The following CSMD3 variants were observed in gnomAD, a reference collection of about 807,000 sequenced individuals.
CSMD3 encodes CUB and sushi domain-containing protein 3.
CSMD3 carries 177 observed loss-of-function variants against 435.2 expected under a neutral mutation model. The ratio of observed to expected loss-of-function variants is 0.41; its 90% CI spans 0.36 to 0.46. The LOEUF (loss-of-function observed/expected upper bound fraction) is 0.46, where lower values mean the gene tolerates loss of function less well. Ranked by LOEUF, CSMD3 falls within the 20% of genes least tolerant of loss-of-function variation. The pLI, the probability that CSMD3 is intolerant of heterozygous loss-of-function variation, is 0.34. For synonymous variants in CSMD3, 1,656 were observed against 1,520.5 expected (o/e 1.09, Z -2.07); for missense variants, 4,265 against 4,504.6 (o/e 0.95, Z 1.52).
intron 5 of CSMD3, among the ~76,000 whole-genome samples, chr8:113,031,992 A>G (rs2087129693): frequency 6.6e-6 from 1 of 151,556 alleles, no homozygotes; most frequent in Non-Finnish European, 1.5e-5. Flanking sequence ...CCTGTAAGAA[A>G]GCGTTTTCTT....
intron 16 of CSMD3, among the ~76,000 whole-genome samples, chr8:112,679,087 T>A: frequency 9.0e-6 from 1 of 110,678 alleles, no homozygotes; most frequent in Non-Finnish European, 1.9e-5. Context: ...TGGGGCAGGT[T>A]TTTTTTTTTT....
chr8:112,893,887 T>C (rs759440830), intron 10 of CSMD3, among the ~76,000 whole-genome samples: 4 of 151,444 alleles, frequency 2.6e-5, no homozygotes, highest in Admixed American at 6.6e-5. Flanking sequence ...TTCCAATGGA[T>C]ATGAAAGGTC....
chr8:112,301,841 C>T lies in CSMD3; in HGVS notation c.8392G>A (p.Glu2798Lys), dbSNP rs1424360482. The change falls in exon 53 of 71, where the codon GAA becomes AAA. Residue 2798 changes from glutamate (E) to lysine (K), a missense_variant. Glu to Lys is a moderately conservative substitution (Grantham distance 56). This residue lies in a region of CSMD3 where 3,255 missense variants were observed against 3,380.2 expected (regional missense o/e 0.96). Transcript: ENST00000297405. Reference protein sequence around the residue: ...GFMLVGSAVRECLSSGLWSES... With the variant: ...GFMLVGSAVRKCLSSGLWSES... ...CTCCAAAGACCTGAGGAAAGGCATTCCCTTACAGCAGAGCCCACAAGCATG... is the reference window on the plus strand; with the variant it reads ...CTCCAAAGACCTGAGGAAAGGCATTTCCTTACAGCAGAGCCCACAAGCATG... The T allele has an allele frequency of 1.2e-6, 2 of 1,613,856 alleles. No homozygotes were observed. The highest frequency in any genetic ancestry group is 8.5e-7 in the Non-Finnish European group (1 of 1,179,862).
At chr8:112,699,993 A>G (rs1442291431) in intron 13 of CSMD3, among the ~76,000 whole-genome samples, 1 of 151,990 alleles carries the variant, frequency 6.6e-6, no homozygotes, top group Non-Finnish European at 1.5e-5. Context: ...TAGTTAGTGA[A>G]ATTTGGAAGG....
At chr8:113,302,695 T>C (rs1220578814) in intron 2 of CSMD3, among the ~76,000 whole-genome samples, 1 of 151,390 alleles carries the variant, frequency 6.6e-6, no homozygotes, top group African/African-American at 2.4e-5. Context: ...AAAAAGCCTT[T>C]GACAAAATTC....
intron 45 of CSMD3, among the ~76,000 whole-genome samples, chr8:112,332,086 A>G (rs1384403436): frequency 6.6e-6 from 1 of 152,172 alleles, no homozygotes; most frequent in Non-Finnish European, 1.5e-5. Flanking sequence ...GTCTGAATGC[A>G]CACTTCCCAC....
intron 5 of CSMD3, among the ~76,000 whole-genome samples, chr8:113,080,642 T>C (rs974767018): frequency 6.6e-6 from 1 of 152,178 alleles, no homozygotes; most frequent in Non-Finnish European, 1.5e-5. Flanking sequence ...CTACTATGAA[T>C]ATTTTCATTA....
intron 3 of CSMD3, among the ~76,000 whole-genome samples, chr8:113,219,731 G>A (rs1037022058): frequency 1.3e-5 from 2 of 151,072 alleles, no homozygotes; most frequent in Non-Finnish European, 3.0e-5. Flanking sequence ...CTCTATACTG[G>A]GTATAGGAAA....
intron 9 of CSMD3, among the ~76,000 whole-genome samples, chr8:112,938,124 A>T (rs1460626639): frequency 5.3e-5 from 8 of 152,158 alleles, no homozygotes; most frequent in Non-Finnish European, 1.2e-4. Context: ...GCCTGTTGTA[A>T]TCTGAGACCA....
intron 27 of CSMD3, among the ~76,000 whole-genome samples, chr8:112,542,731 T>A (rs1357642733): frequency 3.3e-5 from 5 of 152,016 alleles, no homozygotes; most frequent in African/African-American, 1.2e-4. Context: ...ACTATTCACA[T>A]GAAACCAAAA....
In CSMD3 at chr8:113,047,163, C is replaced by G. The variant is rs191615470; in HGVS notation, c.918-27984G>C. Among the ~76,000 whole-genome samples, 227 of 152,278 alleles carry G rather than the reference C, an allele frequency of 1.5e-3. 1 individual carries two copies. Among genetic ancestry groups the G allele is most frequent in the Non-Finnish European group, 2.4e-3 (160 of 68,022 alleles). On this transcript the variant is annotated intron_variant, in intron 5 of 70. Coordinates refer to ENST00000297405, the MANE Select transcript of CSMD3 (RefSeq NM_198123.2). ...CCCGATGGATGCCTGTCTCCTTTAT[C>G]CCATCCTGTTGTTTCCCCATTAACA...
In CSMD3 at chr8:112,335,318, A is replaced by G. The variant is rs1314183265; in HGVS notation, c.7165+11T>C. The G allele has an allele frequency of 1.9e-6, 3 of 1,612,664 alleles. No individual in the cohort carries two copies. The highest frequency in any genetic ancestry group is 4.5e-5 in the East Asian group (2 of 44,842). On this transcript the variant is annotated intron_variant, in intron 45 of 70. Coordinates refer to ENST00000297405, the MANE Select transcript of CSMD3 (RefSeq NM_198123.2). ...TAGCAAATGAAATAGGAACTCTCAGATAATACCAACCGTGATAACTGAGCA... is the reference window on the plus strand; with the variant it reads ...TAGCAAATGAAATAGGAACTCTCAGGTAATACCAACCGTGATAACTGAGCA...
At chr8:112,789,229 T>C (rs1442033168) in intron 13 of CSMD3, among the ~76,000 whole-genome samples, 1 of 152,102 alleles carries the variant, frequency 6.6e-6, no homozygotes, top group Admixed American at 6.6e-5. Context: ...TCAGGATTCA[T>C]ACAAAGAACA....
At chr8:112,254,159 G>C in intron 63 of CSMD3, 94 bp downstream of exon 63, 2 of 879,896 alleles carry the variant, frequency 2.3e-6, no homozygotes, top group Non-Finnish European at 2.0e-6. Flanking sequence ...GATAGAACAT[G>C]ACTTTTTGTT....
intron 10 of CSMD3, among the ~76,000 whole-genome samples, chr8:112,901,295 T>C (rs577924851): frequency 6.6e-6 from 1 of 151,428 alleles, no homozygotes; most frequent in Non-Finnish European, 1.5e-5. Context: ...TCCATTTAAA[T>C]ACAACATTAA....
intron 12 of CSMD3, among the ~76,000 whole-genome samples, chr8:112,802,199 A>C (rs2078976944): frequency 6.6e-6 from 1 of 151,956 alleles, no homozygotes; most frequent in African/African-American, 2.4e-5. Flanking sequence ...TCTTTTAGAA[A>C]ACTTGAAATT....
At chr8:112,881,889 C>T (rs2081458831) in intron 10 of CSMD3, among the ~76,000 whole-genome samples, 2 of 151,846 alleles carry the variant, frequency 1.3e-5, no homozygotes, top group Admixed American at 1.3e-4. Context: ...GTCTATTTCT[C>T]TATGCAAAAT....
At chr8:113,418,529 G>A (rs1317666395) in intron 1 of CSMD3, among the ~76,000 whole-genome samples, 2 of 152,010 alleles carry the variant, frequency 1.3e-5, no homozygotes, top group Non-Finnish European at 2.9e-5. Context: ...GTCTATTTCA[G>A]GAATAGCATA....
At chr8:112,438,539 G>A (rs1249987923) in intron 32 of CSMD3, among the ~76,000 whole-genome samples, 1 of 152,148 alleles carries the variant, frequency 6.6e-6, no homozygotes, top group African/African-American at 2.4e-5. Context: ...TTTGCTATTT[G>A]AAATATGAAG....
Sources: allele counts gnomAD v4.1 joint callset (sites outside exome capture counted in the v4.1 genomes callset), GRCh38; gene constraint gnomAD v4.1.1; regional missense constraint gnomAD v4.1.1; transcripts MANE v1.5; gene names NCBI Gene and HGNC (gene_info 2026-07-23, HGNC 2026-07-21).